Variants in DENND1A observed in about 807,000 individuals in gnomAD.
DENND1A encodes the protein DENN domain-containing protein 1A.
Under a neutral mutation model 113.7 loss-of-function variants are expected in DENND1A, and 51 were observed. The observed-to-expected ratio is 0.45, with a 90% CI of 0.36 to 0.57. The LOEUF (loss-of-function observed/expected upper bound fraction) is 0.57, where lower values mean the gene tolerates loss of function less well. DENND1A is among the 20% of genes least tolerant of loss of function. DENND1A has a pLI of 0.00. For missense variants in DENND1A, 1,258 were observed against 1,395.9 expected, an observed-to-expected ratio of 0.90 and a Z score of 1.57; for synonymous variants, 565 against 570.8, an observed-to-expected ratio of 0.99 and a Z score of 0.14.
chr9:123,685,757 C>A (rs1429126988), intron 5 of DENND1A, among the ~76,000 whole-genome samples: 9 of 152,126 alleles, frequency 5.9e-5, no homozygotes, highest in Non-Finnish European at 1.0e-4. Flanking sequence ...CAGTGTAATT[C>A]TCAATATTTT....
chr9:123,641,379 T>G (rs1020764572), intron 9 of DENND1A, among the ~76,000 whole-genome samples: 1 of 149,438 alleles, frequency 6.7e-6, no homozygotes. Context: ...TTGACCGCAT[T>G]ACTAAAATAA....
At chr9:123,510,241 G>GTAT (rs1299566264) in intron 13 of DENND1A, among the ~76,000 whole-genome samples, 8 of 152,232 alleles carry the variant, frequency 5.3e-5, no homozygotes, top group Non-Finnish European at 1.2e-4. Flanking sequence ...TGTGCTCCTT[G>GTAT]TATTACCCCA....
At chr9:123,851,025 G>A (rs939756532) in intron 2 of DENND1A, among the ~76,000 whole-genome samples, 7 of 151,962 alleles carry the variant, frequency 4.6e-5, no homozygotes, top group African/African-American at 9.7e-5. Flanking sequence ...CAAGAGACAC[G>A]TCTTCAACAC....
intron 13 of DENND1A, among the ~76,000 whole-genome samples, chr9:123,501,060 G>A (rs1033474322): frequency 2.0e-5 from 3 of 152,102 alleles, no homozygotes; most frequent in African/African-American, 7.2e-5. Context: ...TTTTCATCTT[G>A]TAAAACTGAA....
At chr9:123,721,502 A>G (rs1055184299) in intron 5 of DENND1A, among the ~76,000 whole-genome samples, 1 of 152,110 alleles carries the variant, frequency 6.6e-6, no homozygotes, top group Non-Finnish European at 1.5e-5. Context: ...ATCTCCACCA[A>G]CAAAAGTGAG....
chr9:123,865,320 A>T (rs1192065003), intron 2 of DENND1A, among the ~76,000 whole-genome samples: 1 of 152,224 alleles, frequency 6.6e-6, no homozygotes, highest in Non-Finnish European at 1.5e-5. Context: ...CATTCAGCAA[A>T]AACAAGAGAA....
intron 4 of DENND1A, 30 bp from the exon 5 acceptor site, chr9:123,757,852 T>C: frequency 6.2e-7 from 1 of 1,608,354 alleles, no homozygotes; most frequent in Non-Finnish European, 8.5e-7. Context: ...AAGGGGAAAA[T>C]GAATGTGCAG....
intron 1 of DENND1A, among the ~76,000 whole-genome samples, chr9:123,881,270 C>G (rs1848277505): frequency 6.6e-6 from 1 of 152,144 alleles, no homozygotes; most frequent in African/African-American, 2.4e-5. Flanking sequence ...ATCTTGGCAT[C>G]TTTGGCATAT....
intron 21 of DENND1A, among the ~76,000 whole-genome samples, chr9:123,393,551 AAG>A (rs1239499162): frequency 2.0e-5 from 3 of 151,850 alleles, no homozygotes; most frequent in African/African-American, 7.3e-5. Flanking sequence ...AAAAAAAAAA[AAG>A]AAGGTGGCTC....
At chr9:123,641,733 C>T (rs1268533377) in intron 9 of DENND1A, among the ~76,000 whole-genome samples, 2 of 152,152 alleles carry the variant, frequency 1.3e-5, no homozygotes, top group African/African-American at 4.8e-5. Context: ...ATAACAGCCA[C>T]CAAAGAATAA....
At chr9:123,493,812 G>A (rs1162750272) in intron 13 of DENND1A, among the ~76,000 whole-genome samples, 5 of 152,164 alleles carry the variant, frequency 3.3e-5, no homozygotes, top group African/African-American at 1.2e-4. Flanking sequence ...AGGCATGCAC[G>A]CTGAAGCACC....
At chr9:123,818,839 A>G (rs941704822) in intron 2 of DENND1A, among the ~76,000 whole-genome samples, 2 of 152,182 alleles carry the variant, frequency 1.3e-5, no homozygotes, top group African/African-American at 2.4e-5. Flanking sequence ...TCAACCTGTA[A>G]TAACAAAACT....
intron 2 of DENND1A, among the ~76,000 whole-genome samples, chr9:123,800,212 A>C (rs939649221): frequency 3.3e-5 from 5 of 152,248 alleles, no homozygotes; most frequent in Non-Finnish European, 7.3e-5. Context: ...GATTTACAGA[A>C]ACCCTGAGGT....
chr9:123,713,748 T>C (rs1203931083), intron 5 of DENND1A, among the ~76,000 whole-genome samples: 1 of 152,178 alleles, frequency 6.6e-6, no homozygotes, highest in Non-Finnish European at 1.5e-5. Flanking sequence ...AATTCTTAGA[T>C]ACATTATCAT....
intron 1 of DENND1A, 125 bp downstream of exon 1, chr9:123,929,764 G>T (rs1278354974): frequency 6.2e-6 from 1 of 162,058 alleles, no homozygotes; most frequent in Non-Finnish European, 1.3e-5. Flanking sequence ...CCCGCGTGCC[G>T]GCGTCACGCG....
intron 13 of DENND1A, among the ~76,000 whole-genome samples, chr9:123,472,887 G>A (rs2049558207): frequency 6.6e-6 from 1 of 152,182 alleles, no homozygotes; most frequent in Non-Finnish European, 1.5e-5. Context: ...GGCCACTCAG[G>A]CTGGGGAGTC....
In DENND1A at chr9:123,538,805, CATACATATATATATATATATATATAT is replaced by C. The variant is rs1313631522; in HGVS notation, c.993+18739_993+18764del. Among the ~76,000 whole-genome samples the C allele has an allele frequency of 6.6e-4, 33 of 50,064 alleles. 2 individuals are homozygous for C. The highest frequency in any genetic ancestry group is 2.8e-3 in the East Asian group (5 of 1,808). The allele number at this position is 50,064 out of a possible 152,430, so 32.8% of individuals were successfully genotyped here. ...GTGTATGAATCCAAAGGTGACAACTCATACATATATATATATATATATATATATATATATATATATATATATATATA... is the reference window on the plus strand; with the variant it reads ...GTGTATGAATCCAAAGGTGACAACTCATATATATATATATATATATATATA... On this transcript the variant is annotated intron_variant, in intron 13 of 23. Coordinates refer to ENST00000394215, the MANE Select transcript of DENND1A (RefSeq NM_001352964.2).
At chr9:123,385,406 G>T (rs1012634029) in intron 22 of DENND1A, among the ~76,000 whole-genome samples, 2 of 152,278 alleles carry the variant, frequency 1.3e-5, no homozygotes, top group East Asian at 3.9e-4. Context: ...CTCGTGATCT[G>T]CCCGCCTCAG....
intron 19 of DENND1A, among the ~76,000 whole-genome samples, chr9:123,423,056 G>A (rs1432543599): frequency 6.6e-6 from 1 of 152,206 alleles, no homozygotes; most frequent in Non-Finnish European, 1.5e-5. Context: ...CCAGCATTGT[G>A]CCATTACAAC....
Sources: allele counts gnomAD v4.1 joint callset (sites outside exome capture counted in the v4.1 genomes callset), GRCh38; gene constraint gnomAD v4.1.1; transcripts MANE v1.5; gene names NCBI Gene and HGNC (gene_info 2026-07-23, HGNC 2026-07-21).